PPP1CC: variants seen among roughly 807,000 people sequenced by gnomAD.
PPP1CC encodes serine/threonine-protein phosphatase PP1-gamma catalytic subunit.
A neutral mutation model predicts 38.4 loss-of-function variants in PPP1CC; 16 were observed. The ratio of observed to expected loss-of-function variants is 0.42; its 90% CI spans 0.28 to 0.63. PPP1CC has a LOEUF of 0.63. Ranked by LOEUF, PPP1CC falls within the 30% of genes least tolerant of loss-of-function variation. The probability of loss-of-function intolerance (pLI) is 0.25; values close to 1 mark genes in which losing one functional copy is unlikely to be tolerated. For synonymous variants in PPP1CC, 158 were observed against 136.0 expected (o/e 1.16, Z -1.13); for missense variants, 170 against 391.3 (o/e 0.43, Z 4.77).
At chr12:110,714,303 A>G in the PPP1CC span, among the ~76,000 whole-genome samples, 5 of 152,144 alleles carry the variant, frequency 3.3e-5, no homozygotes, top group East Asian at 9.7e-4. Context: ...GTAATACCCA[A>G]TGGCCCTAGA....
rs1593572247 is a variant in PPP1CC at position 110,721,999 on chromosome 12, TA to T, written c.882+135del. ...GGATCCACACATTATTCAACTATAA[TA>T]CACACTGGTTAAGGGAAAATAAAAA... On this transcript the variant is annotated intron_variant, in intron 6 of 6. Transcript: ENST00000335007. 3.9e-6 allele frequency: 4 copies of T among 1,016,202 alleles called. No individual in the cohort carries two copies. In the East Asian group the frequency reaches 1.0e-4, roughly 26 times the overall value. 62.9% of individuals were successfully genotyped at this position (1,016,202 alleles called of 1,614,324 possible).
downstream of PPP1CC, among the ~76,000 whole-genome samples, chr12:110,716,987 T>G (rs562890137): frequency 6.6e-6 from 1 of 152,328 alleles, no homozygotes; most frequent in African/African-American, 2.4e-5. Context: ...AGCTCACACG[T>G]TGGCAAGGAT....
At chr12:110,742,626 C>A (rs754008460) in intron 1 of PPP1CC, 27 bp downstream of exon 1, 7 of 1,436,812 alleles carry the variant, frequency 4.9e-6, no homozygotes, top group Admixed American at 2.6e-5. Flanking sequence ...CCCGCCTCCC[C>A]CTTCAGCCGC....
At chr12:110,712,654 AAAAAAAAAAAAAGG>A in the PPP1CC span, among the ~76,000 whole-genome samples, 4 of 149,584 alleles carry the variant, frequency 2.7e-5, no homozygotes, top group African/African-American at 9.9e-5. Context: ...AAAAAAAAAA[AAAAAAAAAAAAAGG>A]GGGGGCACTG....
In PPP1CC at chr12:110,719,862, G is replaced by T. The variant is rs1322916818; in HGVS notation, c.*1214C>A. 5.1e-6 allele frequency: 2 copies of T among 390,968 alleles called. No homozygotes were observed. The highest frequency in any genetic ancestry group is 2.1e-5 in the African/African-American group (1 of 48,240). The allele number at this position is 390,968 out of a possible 1,614,324, so 24.2% of individuals were successfully genotyped here. A position where few individuals can be genotyped will look rare whatever the true frequency, so the allele number is the denominator to read the frequency against. On this transcript the variant is annotated 3_prime_UTR_variant, in exon 7 of 7. Transcript: ENST00000335007. ...AAATCTATTCAATATGCCATCAACA[G>T]TTCTCCTGTGTGTATTGTGCTGATA...
At chr12:110,738,374 G>T (rs191375838) in intron 1 of PPP1CC, among the ~76,000 whole-genome samples, 2 of 152,234 alleles carry the variant, frequency 1.3e-5, no homozygotes, top group East Asian at 3.9e-4. Flanking sequence ...TCTACAAAGC[G>T]ACTGACACCC....
intron 3 of PPP1CC, chr12:110,726,419 AGTTTAACAAACTTCT>A (rs1177783237): frequency 3.3e-5 from 5 of 152,166 alleles, no homozygotes; most frequent in Non-Finnish European, 7.3e-5. Flanking sequence ...GGGTTCGGAA[AGTTTAACAAACTTCT>A]CCCGCCAGGC....
chr12:110,718,545 C>G (rs1367754776), downstream of PPP1CC, among the ~76,000 whole-genome samples: 1 of 152,148 alleles, frequency 6.6e-6, no homozygotes, highest in Non-Finnish European at 1.5e-5. Context: ...CAAAGCAAAG[C>G]AAAGGCAAGT....
At chr12:110,714,801 GTC>G (rs2069675940), downstream of PPP1CC, among the ~76,000 whole-genome samples, 1 of 74,458 alleles carries the variant, frequency 1.3e-5, no homozygotes, top group Non-Finnish European at 2.3e-5. Flanking sequence ...GCAAGACTCT[GTC>G]TCAAAAAAAA....
At chr12:110,713,965 G>A in the PPP1CC span, among the ~76,000 whole-genome samples, 1 of 152,080 alleles carries the variant, frequency 6.6e-6, no homozygotes, top group African/African-American at 2.4e-5. Context: ...TCGGCGTGGT[G>A]GCGGGCACCT....
chr12:110,730,354 G>C (rs569527502), intron 3 of PPP1CC, among the ~76,000 whole-genome samples, 175 bp downstream of exon 3: 1 of 152,214 alleles, frequency 6.6e-6, no homozygotes, highest in Non-Finnish European at 1.5e-5. Flanking sequence ...GTGAGACTCC[G>C]TTCCCCCACC....
chr12:110,733,344 G>T (rs991250881), intron 1 of PPP1CC, among the ~76,000 whole-genome samples: 6 of 152,164 alleles, frequency 3.9e-5, no homozygotes, highest in African/African-American at 1.4e-4. Context: ...ACTTATGAAT[G>T]AATAGCTGAC....
intron 1 of PPP1CC, among the ~76,000 whole-genome samples, chr12:110,740,496 T>C (rs776492559): frequency 6.6e-6 from 1 of 152,138 alleles, no homozygotes; most frequent in African/African-American, 2.4e-5. Flanking sequence ...TCATTTAACT[T>C]AGATATCTAC....
intron 1 of PPP1CC, among the ~76,000 whole-genome samples, chr12:110,733,339 T>C (rs998042329): frequency 6.6e-6 from 1 of 152,236 alleles, no homozygotes; most frequent in Non-Finnish European, 1.5e-5. Context: ...CCCACACTTA[T>C]GAATGAATAG....
In PPP1CC at chr12:110,720,223, A is replaced by G. The variant is rs750447720; in HGVS notation, c.*853T>C. 3.9e-5 allele frequency: 60 copies of G among 1,528,060 alleles called. No individual in the cohort carries two copies. The Middle Eastern group carries it at 1.5e-3, about 38-fold the overall frequency. The allele number at this position is 1,528,060 out of a possible 1,614,324, so 94.7% of individuals were successfully genotyped here. ...GATGCAACTGTAAAAAGATTACTTA[A>G]TGAATAGACTATATGGAAATTGTAT... On this transcript the variant is annotated 3_prime_UTR_variant, in exon 7 of 7. Transcript: ENST00000335007.
the PPP1CC span, among the ~76,000 whole-genome samples, chr12:110,710,022 T>C: frequency 6.7e-6 from 1 of 150,130 alleles, no homozygotes; most frequent in East Asian, 1.9e-4. Flanking sequence ...AATGTAGTAA[T>C]TAAAATTAAA....
chr12:110,732,164 A>G (rs2069880073), intron 1 of PPP1CC: 1 of 538,348 alleles, frequency 1.9e-6, no homozygotes, highest in South Asian at 2.7e-5. Context: ...GCTGTTAGAA[A>G]CAGGACTGCA....
rs71083137 is a variant in PPP1CC at position 110,737,477 on chromosome 12, C to CAAAAAAAAAAA, written c.55+5165_55+5175dup. ...CCAGCCTGGGTGACAAAGAAAGACT[C>CAAAAAAAAAAA]AAAAAAAAAAAAAAAAAAAAAAAAG... is the stretch of plus-strand genomic sequence containing the variant. On this transcript the variant is annotated intron_variant, in intron 1 of 6. Transcript: ENST00000335007. Among the ~76,000 whole-genome samples, 135 of 42,450 alleles carry CAAAAAAAAAAA rather than the reference C, an allele frequency of 3.2e-3. 1 individual carries two copies. Among genetic ancestry groups the CAAAAAAAAAAA allele is most frequent in the South Asian group, 4.4e-3 (4 of 914 alleles). The allele number at this position is 42,450 out of a possible 152,430, so 27.8% of individuals were successfully genotyped here.
chr12:110,717,367 C>T (rs561700803), downstream of PPP1CC, among the ~76,000 whole-genome samples: 3 of 152,262 alleles, frequency 2.0e-5, no homozygotes, highest in Admixed American at 2.0e-4. Flanking sequence ...GTCTTTTCCT[C>T]AAGATAGGAA....
Sources: allele counts gnomAD v4.1 joint callset (sites outside exome capture counted in the v4.1 genomes callset), GRCh38; gene constraint gnomAD v4.1.1; transcripts MANE v1.5; gene names NCBI Gene and HGNC (gene_info 2026-07-23, HGNC 2026-07-21).